Variants in SIPA1L3 observed in about 807,000 individuals in gnomAD.
SIPA1L3 encodes signal-induced proliferation-associated 1-like protein 3.
Under a neutral mutation model 150.1 loss-of-function variants are expected in SIPA1L3, and 59 were observed. The ratio of observed to expected loss-of-function variants is 0.39; its 90% CI spans 0.32 to 0.49. The LOEUF (loss-of-function observed/expected upper bound fraction) is 0.49. SIPA1L3 is among the 20% of genes least tolerant of loss of function. The pLI is 0.86. For missense variants in SIPA1L3, 2,211 were observed against 2,489.5 expected (o/e 0.89, Z 2.38); for synonymous variants, 1,070 against 1,077.6 (o/e 0.99, Z 0.14).
chr19:38,170,406 C>T (rs1972302173), intron 15 of SIPA1L3, among the ~76,000 whole-genome samples: 1 of 152,064 alleles, frequency 6.6e-6, no homozygotes, highest in South Asian at 2.1e-4. Flanking sequence ...CAGCCCCCCT[C>T]ATGTGCTGTC....
chr19:38,030,325 G>A (rs1460914508), intron 2 of SIPA1L3, among the ~76,000 whole-genome samples: 2 of 151,956 alleles, frequency 1.3e-5, no homozygotes, highest in Non-Finnish European at 1.5e-5. Context: ...ACTTTGAGAG[G>A]CTGAGGCTCG....
intron 18 of SIPA1L3, among the ~76,000 whole-genome samples, chr19:38,195,195 C>T (rs1232381905): frequency 3.9e-5 from 6 of 152,336 alleles, no homozygotes; most frequent in African/African-American, 1.4e-4. Context: ...ACCCTCCCTG[C>T]TCAGGGCATC....
chr19:37,924,408 T>A (rs2046483054), intron 1 of SIPA1L3, among the ~76,000 whole-genome samples: 1 of 130,182 alleles, frequency 7.7e-6, no homozygotes, highest in Non-Finnish European at 1.5e-5. Context: ...TGAGGCTGTT[T>A]TACAGCTTTT....
chr19:37,953,248 A>G (rs2046780561), intron 1 of SIPA1L3, among the ~76,000 whole-genome samples: 2 of 152,192 alleles, frequency 1.3e-5, no homozygotes, highest in Non-Finnish European at 2.9e-5. Flanking sequence ...CTCTTTGGAA[A>G]AAAACATTCC....
chr19:38,079,264 C>A (rs371860437), intron 2 of SIPA1L3, among the ~76,000 whole-genome samples: 1 of 152,172 alleles, frequency 6.6e-6, no homozygotes, highest in East Asian at 1.9e-4. Flanking sequence ...ACCCAGGAGG[C>A]GGAGCTTGCA....
chr19:38,070,127 C>G (rs1320138607), intron 2 of SIPA1L3, among the ~76,000 whole-genome samples: 5 of 152,132 alleles, frequency 3.3e-5, no homozygotes, highest in Admixed American at 3.3e-4. Context: ...CTTGCAGATC[C>G]TGGTTTAGAC....
intron 1 of SIPA1L3, among the ~76,000 whole-genome samples, chr19:38,021,839 CCCCGCGTATGAATCCAG>C (rs981741540): frequency 4.7e-4 from 71 of 152,336 alleles, no homozygotes; most frequent in African/African-American, 1.6e-3. Context: ...AGCCACTGCA[CCCCGCGTATGAATCCAG>C]TCCTTTTTGT....
chr19:38,014,207 T>C (rs552372673), intron 1 of SIPA1L3, among the ~76,000 whole-genome samples: 1 of 152,340 alleles, frequency 6.6e-6, no homozygotes, highest in Admixed American at 6.5e-5. Context: ...TGGGCCTCTG[T>C]CAGGCTAGGA....
At chr19:38,180,742 T>A (rs1972537280) in intron 15 of SIPA1L3, among the ~76,000 whole-genome samples, 1 of 151,410 alleles carries the variant, frequency 6.6e-6, no homozygotes, top group Non-Finnish European at 1.5e-5. Context: ...ATGTAGTTTC[T>A]CCATGTTGGT....
chr19:38,059,994 C>T (rs1290794974), intron 2 of SIPA1L3, among the ~76,000 whole-genome samples: 3 of 152,284 alleles, frequency 2.0e-5, no homozygotes, highest in South Asian at 2.1e-4. Context: ...AGGCTGGTCT[C>T]GAACTTCTGA....
chr19:38,137,833 A>G (rs1971468903), intron 10 of SIPA1L3, among the ~76,000 whole-genome samples: 1 of 152,008 alleles, frequency 6.6e-6, no homozygotes, highest in African/African-American at 2.4e-5. Context: ...TGAAGCCATC[A>G]GTACCTAAGG....
chr19:38,006,994 G>A (rs927206740), intron 1 of SIPA1L3, among the ~76,000 whole-genome samples: 1 of 152,218 alleles, frequency 6.6e-6, no homozygotes, highest in Non-Finnish European at 1.5e-5. Flanking sequence ...GCCCTGATAA[G>A]AGGGGCCTTC....
At chr19:37,908,742 A>G (rs2046356056) in intron 1 of SIPA1L3, among the ~76,000 whole-genome samples, 1 of 152,140 alleles carries the variant, frequency 6.6e-6, no homozygotes, top group Admixed American at 6.5e-5. Context: ...AAATTATGGA[A>G]CACACTATAG....
intron 11 of SIPA1L3, 129 bp from the exon 12 acceptor site, chr19:38,142,444 G>T: frequency 9.8e-7 from 1 of 1,020,084 alleles, no homozygotes; most frequent in Non-Finnish European, 1.4e-6. Context: ...ATGTGGCTGG[G>T]CGGGGGAAAG....
At chr19:37,913,909 G>T (rs1245410956) in intron 1 of SIPA1L3, among the ~76,000 whole-genome samples, 1 of 151,512 alleles carries the variant, frequency 6.6e-6, no homozygotes, top group Non-Finnish European at 1.5e-5. Flanking sequence ...CAGTTACTCG[G>T]GAGGCTGAGG....
chr19:38,059,931 C>T (rs1220397134), intron 2 of SIPA1L3, among the ~76,000 whole-genome samples: 1 of 152,212 alleles, frequency 6.6e-6, no homozygotes, highest in African/African-American at 2.4e-5. Context: ...CCTGCCACAA[C>T]ACTTGGCTAA....
chr19:38,072,713 T>C (rs2145803346), intron 2 of SIPA1L3, among the ~76,000 whole-genome samples: 1 of 152,336 alleles, frequency 6.6e-6, no homozygotes, highest in East Asian at 1.9e-4. Flanking sequence ...GGGTGGCCAT[T>C]GGAGAGGGGA....
intron 16 of SIPA1L3, 86 bp from the exon 17 acceptor site, chr19:38,192,059 G>T: frequency 7.7e-7 from 1 of 1,297,712 alleles, no homozygotes; most frequent in Non-Finnish European, 1.1e-6. Context: ...GCGTCCCGTG[G>T]TGGCCGGCCC....
In SIPA1L3 at chr19:38,047,452, C is replaced by T. The variant is rs552763459; in HGVS notation, c.-311+18296C>T. Among the ~76,000 whole-genome samples, 3 of 152,042 alleles carry T rather than the reference C, an allele frequency of 2.0e-5. No homozygotes were observed. Among genetic ancestry groups the T allele is most frequent in the Admixed American group, 6.6e-5 (1 of 15,250 alleles). On this transcript the variant is annotated intron_variant, in intron 2 of 21. Transcript: ENST00000222345. This position sits in a 1 kb window ranked among gnomAD's most constrained non-coding sequence, Gnocchi z 4.7. ...CCAGCATCTAGAACAGGACCTGGCCCGAAAGAGCTGCTCAGTAAATATTTG... is the reference window on the plus strand; with the variant it reads ...CCAGCATCTAGAACAGGACCTGGCCTGAAAGAGCTGCTCAGTAAATATTTG...
Sources: allele counts gnomAD v4.1 joint callset (sites outside exome capture counted in the v4.1 genomes callset), GRCh38; gene constraint gnomAD v4.1.1; non-coding constraint Gnocchi (gnomAD v3.1); transcripts MANE v1.5; gene names NCBI Gene and HGNC (gene_info 2026-07-23, HGNC 2026-07-21).